KCNQ5: variants seen among roughly 807,000 people sequenced by gnomAD.
KCNQ5 encodes the protein potassium voltage-gated channel subfamily KQT member 5.
KCNQ5 carries 30 observed loss-of-function variants against 98.2 expected under a neutral mutation model. The observed-to-expected ratio is 0.31, with a 90% CI of 0.23 to 0.41. KCNQ5 has a LOEUF of 0.41. KCNQ5 is among the 10% of genes least tolerant of loss of function. The probability of loss-of-function intolerance (pLI) is 1.00; values close to 1 mark genes in which losing one functional copy is unlikely to be tolerated. For missense variants in KCNQ5, 835 were observed against 1,182.5 expected (o/e 0.71, Z 4.31); for synonymous variants, 458 against 449.4 (o/e 1.02, Z -0.24).
At chr6:73,115,514 A>T (rs1775453362) in intron 7 of KCNQ5, among the ~76,000 whole-genome samples, 1 of 152,218 alleles carries the variant, frequency 6.6e-6, no homozygotes, top group Non-Finnish European at 1.5e-5. Context: ...ACTTACCAAA[A>T]GGGGATCCTA....
At chr6:73,127,181 T>C (rs1194193689) in intron 9 of KCNQ5, among the ~76,000 whole-genome samples, 1 of 152,136 alleles carries the variant, frequency 6.6e-6, no homozygotes, top group African/African-American at 2.4e-5. Context: ...AAAATGCATT[T>C]ATAATGAGAG....
At chr6:73,176,715 A>T (rs550177134) in intron 11 of KCNQ5, among the ~76,000 whole-genome samples, 57 of 152,278 alleles carry the variant, frequency 3.7e-4, no homozygotes, top group African/African-American at 1.3e-3. Flanking sequence ...GGGAAAGAAC[A>T]GGAGGAATCA....
chr6:73,098,693 G>A (rs115789687), intron 5 of KCNQ5, among the ~76,000 whole-genome samples: 2,375 of 152,162 alleles, frequency 0.016, 72 homozygotes, highest in African/African-American at 0.055. Flanking sequence ...GACTTTCCCA[G>A]ACAAACAAAA....
rs1469998576 is a variant in KCNQ5 at position 73,077,636 on chromosome 6, T to A, written c.793-126T>A. ...AACAATTTTGGGACATGATGTACAA[T>A]GGATTATTTAAGAGCCATCATAAAC... On this transcript the variant is annotated intron_variant, in intron 4 of 13. Transcript: ENST00000370398. 6 of 1,258,072 alleles carry A rather than the reference T, an allele frequency of 4.8e-6. No homozygotes were observed. In the Admixed American group the frequency reaches 7.6e-5, roughly 16 times the overall value. The allele number at this position is 1,258,072 out of a possible 1,614,324, so 77.9% of individuals were successfully genotyped here.
At position 72,751,442 on chromosome 6, in the gene KCNQ5, A is replaced by AT. The variant is rs200183266; in HGVS notation, c.398+128861dup. On this transcript the variant is annotated intron_variant, in intron 1 of 13. Transcript: ENST00000370398. ...CACGAGGGACCAAGAAAAAAACATAATTTTTTGTCATTAGGTAAAACTCAT... is the reference window on the plus strand; with the variant it reads ...CACGAGGGACCAAGAAAAAAACATAATTTTTTTGTCATTAGGTAAAACTCAT... 5.9e-3 allele frequency among the ~76,000 whole-genome samples: 904 copies of AT among 152,178 alleles called. 14 individuals are homozygous for AT. Among genetic ancestry groups the AT allele is most frequent in the African/African-American group, 0.02 (827 of 41,544 alleles).
chr6:73,030,028 CATG>C (rs2150347198), intron 2 of KCNQ5, among the ~76,000 whole-genome samples: 1 of 151,066 alleles, frequency 6.6e-6, no homozygotes, highest in South Asian at 2.1e-4. Flanking sequence ...TGACAGATTT[CATG>C]AAGAATACAC....
intron 1 of KCNQ5, among the ~76,000 whole-genome samples, chr6:72,912,970 TG>T (rs1200437115): frequency 6.6e-6 from 1 of 152,136 alleles, no homozygotes; most frequent in African/African-American, 2.4e-5. Flanking sequence ...TCTTAATACT[TG>T]GGTTATGAAA....
chr6:73,106,684 C>A (rs1201079870), intron 6 of KCNQ5, among the ~76,000 whole-genome samples: 11 of 152,174 alleles, frequency 7.2e-5, no homozygotes. Context: ...TCTGTAAGGA[C>A]CCTATTTTCA....
intron 1 of KCNQ5, among the ~76,000 whole-genome samples, chr6:72,684,769 T>C (rs1313856024): frequency 6.6e-6 from 1 of 152,162 alleles, no homozygotes; most frequent in East Asian, 1.9e-4. Context: ...AATAACAAAA[T>C]GTTACATTTG....
intron 9 of KCNQ5, among the ~76,000 whole-genome samples, chr6:73,125,057 A>G (rs890275956): frequency 3.8e-4 from 23 of 61,146 alleles, no homozygotes; most frequent in African/African-American, 6.6e-4. Context: ...ACCTATACAT[A>G]TAATCTTTTT....
intron 11 of KCNQ5, among the ~76,000 whole-genome samples, chr6:73,175,128 G>A (rs1437588247): frequency 1.3e-5 from 2 of 151,892 alleles, no homozygotes; most frequent in Non-Finnish European, 2.9e-5. Context: ...TACCTGGACT[G>A]AGAAATTACT....
At chr6:72,986,327 T>C in intron 1 of KCNQ5, 2 of 347,600 alleles carry the variant, frequency 5.8e-6, no homozygotes, top group Non-Finnish European at 1.1e-5. Context: ...GGCTCTCATG[T>C]GGAGGTGGGG....
intron 2 of KCNQ5, among the ~76,000 whole-genome samples, chr6:73,023,612 A>C (rs1327460172): frequency 6.6e-6 from 1 of 152,202 alleles, no homozygotes; most frequent in Non-Finnish European, 1.5e-5. Context: ...GCTTCTGTCA[A>C]AATTTAGACT....
intron 1 of KCNQ5, among the ~76,000 whole-genome samples, chr6:72,698,069 A>G (rs551532419): frequency 6.6e-6 from 1 of 152,300 alleles, no homozygotes; most frequent in East Asian, 1.9e-4. Flanking sequence ...AAACAAATAA[A>G]TAATAAAAGT....
chr6:72,915,127 C>G (rs1780082588), intron 1 of KCNQ5, among the ~76,000 whole-genome samples: 1 of 152,006 alleles, frequency 6.6e-6, no homozygotes, highest in African/African-American at 2.4e-5. Flanking sequence ...CCAAAAGGAA[C>G]ATCTTAATAA....
At chr6:72,852,157 A>G (rs1278993094) in intron 1 of KCNQ5, among the ~76,000 whole-genome samples, 1 of 152,166 alleles carries the variant, frequency 6.6e-6, no homozygotes, top group African/African-American at 2.4e-5. Context: ...GTATGAGTAA[A>G]TGGGACATAT....
At chr6:72,855,506 T>A (rs1167160474) in intron 1 of KCNQ5, among the ~76,000 whole-genome samples, 2 of 152,174 alleles carry the variant, frequency 1.3e-5, no homozygotes, top group African/African-American at 4.8e-5. Flanking sequence ...TACACCACAG[T>A]CCATTATATT....
chr6:72,936,067 C>T (rs1450278991), intron 1 of KCNQ5, among the ~76,000 whole-genome samples: 3 of 152,144 alleles, frequency 2.0e-5, no homozygotes, highest in African/African-American at 7.2e-5. Context: ...TTTTTATTTG[C>T]TTCTCTGATC....
chr6:72,876,053 G>A (rs1340154717), intron 1 of KCNQ5, among the ~76,000 whole-genome samples: 4 of 151,804 alleles, frequency 2.6e-5, no homozygotes, highest in Non-Finnish European at 5.9e-5. Flanking sequence ...TAGTCAATTG[G>A]CTTTTTGGTA....
Sources: gnomAD v4.1 joint callset for allele counts (sites outside exome capture counted in the v4.1 genomes callset) on GRCh38, gnomAD v4.1.1 for gene constraint, MANE v1.5 for transcripts, NCBI Gene and HGNC (gene_info 2026-07-23, HGNC 2026-07-21) for gene names.